ASXL3: variants seen among roughly 807,000 people sequenced by gnomAD.
The protein encoded by ASXL3 is ASXL transcriptional regulator 3.
Under a neutral mutation model 170.6 loss-of-function variants are expected in ASXL3, and 34 were observed. The ratio of observed to expected loss-of-function variants is 0.20; its 90% CI spans 0.15 to 0.27. ASXL3 has a LOEUF of 0.27. Ranked by LOEUF, ASXL3 falls within the 10% of genes least tolerant of loss-of-function variation. ASXL3 has a pLI of 1.00. For missense variants in ASXL3, 2,592 were observed against 2,695.3 expected, an observed-to-expected ratio of 0.96 and a Z score of 0.85; for synonymous variants, 1,002 against 989.1, an observed-to-expected ratio of 1.01 and a Z score of -0.24.
chr18:33,649,907 G>A (rs2065971525), intron 4 of ASXL3, among the ~76,000 whole-genome samples: 1 of 151,904 alleles, frequency 6.6e-6, no homozygotes, highest in African/African-American at 2.4e-5. Context: ...TAAGAAAGAA[G>A]GGGGCTAGGT....
Position 33,743,576 on chromosome 18 carries a change from C to G in ASXL3, c.3728C>G (p.Thr1243Ser). The G allele has an allele frequency of 6.2e-7, 1 of 1,613,262 alleles. No homozygotes were observed. The highest frequency in any genetic ancestry group is 8.5e-7 in the Non-Finnish European group (1 of 1,179,894). ...TCTGTCCCTGTATCTGTTTGCAGCA[C>G]TGCTATATCGGGAGCAATTAAAGAA... Reference protein sequence around the residue: ...KNSVPVSVCSTAISGAIKEHP... With the variant: ...KNSVPVSVCSSAISGAIKEHP... Residue 1243 changes from threonine (T) to serine (S), a missense_variant, in exon 12 of 12, where the codon ACT becomes AGT. Physicochemically the swap from Thr to Ser is moderately conservative, Grantham distance 58. Coordinates refer to ENST00000269197, the MANE Select transcript of ASXL3 (RefSeq NM_030632.3).
intron 1 of ASXL3, among the ~76,000 whole-genome samples, chr18:33,580,381 C>T (rs1176102907): frequency 6.6e-6 from 1 of 152,116 alleles, no homozygotes; most frequent in African/African-American, 2.4e-5. Flanking sequence ...TGGGGATGTG[C>T]AAGGCTTCTG....
In ASXL3 at chr18:33,740,145, C is replaced by A. The variant is rs1388163033; in HGVS notation, c.2741C>A (p.Ala914Asp). ...CAATATATCTCATCAGTGGATAAGGCTCCATTTTCAGAAGGCTCTAGAAAT... is the reference window on the plus strand; with the variant it reads ...CAATATATCTCATCAGTGGATAAGGATCCATTTTCAGAAGGCTCTAGAAAT... ...DKQYISSVDKAPFSEGSRNKT... is the reference protein window; with the variant it reads ...DKQYISSVDKDPFSEGSRNKT... Residue 914 changes from alanine (A) to aspartate (D), a missense_variant, in exon 11 of 12, where the codon GCT becomes GAT. Physicochemically the swap from Ala to Asp is moderately radical, Grantham distance 126 (BLOSUM62 -2). Coordinates refer to ENST00000269197, the MANE Select transcript of ASXL3 (RefSeq NM_030632.3). 6.2e-7 allele frequency: 1 copy of A among 1,613,900 alleles called. No homozygotes were observed. The highest frequency in any genetic ancestry group is 8.5e-7 in the Non-Finnish European group (1 of 1,179,872).
At chr18:33,622,632 A>G (rs868209365) in intron 2 of ASXL3, among the ~76,000 whole-genome samples, 1 of 152,180 alleles carries the variant, frequency 6.6e-6, no homozygotes, top group Non-Finnish European at 1.5e-5. Flanking sequence ...CAGGATATCA[A>G]GGAAGCTAGG....
intron 2 of ASXL3, among the ~76,000 whole-genome samples, chr18:33,629,523 TTTAG>T (rs2065647303): frequency 6.6e-6 from 1 of 152,068 alleles, no homozygotes; most frequent in South Asian, 2.1e-4. Flanking sequence ...TCAGTTGCCA[TTTAG>T]TTAGTTGATT....
intron 5 of ASXL3, among the ~76,000 whole-genome samples, chr18:33,669,960 T>C (rs184869085): frequency 2.0e-5 from 3 of 152,360 alleles, no homozygotes; most frequent in Admixed American, 2.0e-4. Flanking sequence ...CGTGGTCGAT[T>C]CATTTATGAA....
intron 4 of ASXL3, among the ~76,000 whole-genome samples, chr18:33,649,280 C>T (rs1030990398): frequency 7.2e-5 from 11 of 152,004 alleles, no homozygotes; most frequent in African/African-American, 2.7e-4. Context: ...GAGATGTAGA[C>T]AGGTGCTCTA....
At chr18:33,618,664 T>A (rs1237902608) in intron 2 of ASXL3, among the ~76,000 whole-genome samples, 1 of 152,148 alleles carries the variant, frequency 6.6e-6, no homozygotes, top group Non-Finnish European at 1.5e-5. Context: ...GGTTAATAGA[T>A]GAATAAAATA....
intron 5 of ASXL3, 117 bp downstream of exon 5, chr18:33,661,854 C>A (rs2066179276): frequency 1.7e-6 from 2 of 1,147,816 alleles, no homozygotes; most frequent in African/African-American, 1.6e-5. Flanking sequence ...TTCCTGAATT[C>A]AATCCCATCC....
At chr18:33,714,943 T>C (rs1007596100) in intron 8 of ASXL3, among the ~76,000 whole-genome samples, 1 of 152,154 alleles carries the variant, frequency 6.6e-6, no homozygotes, top group Non-Finnish European at 1.5e-5. Flanking sequence ...TTGTAATTGG[T>C]AAAGTTACCT....
At chr18:33,582,902 A>G (rs1271172665) in intron 1 of ASXL3, among the ~76,000 whole-genome samples, 1 of 152,184 alleles carries the variant, frequency 6.6e-6, no homozygotes, top group African/African-American at 2.4e-5. Context: ...TTAAAAATTA[A>G]TCTACACTGA....
intron 8 of ASXL3, among the ~76,000 whole-genome samples, chr18:33,705,855 T>A (rs1259267388): frequency 1.3e-5 from 2 of 151,926 alleles, no homozygotes; most frequent in African/African-American, 4.8e-5. Flanking sequence ...CCAGATTTTT[T>A]AAAAAGAGAG....
At chr18:33,682,641 C>T (rs948708327) in intron 7 of ASXL3, among the ~76,000 whole-genome samples, 5 of 152,084 alleles carry the variant, frequency 3.3e-5, no homozygotes, top group Admixed American at 1.3e-4. Flanking sequence ...CTACCTCCCG[C>T]GCTTAAGTGA....
In ASXL3 at chr18:33,733,430, A is replaced by G. The variant is rs183482925; in HGVS notation, c.977-880A>G. ...GACCCTCTTCCTTTTCTCCACACCT[A>G]TCTGGTCATGAACTGTTACTTGTAC... is the stretch of plus-strand genomic sequence containing the variant. On this transcript the variant is annotated intron_variant, in intron 9 of 11. Coordinates refer to ENST00000269197, the MANE Select transcript of ASXL3 (RefSeq NM_030632.3). 2.6e-3 allele frequency among the ~76,000 whole-genome samples: 403 copies of G among 152,154 alleles called. 4 individuals are homozygous for G. Among genetic ancestry groups the G allele is most frequent in the Admixed American group, 0.023 (359 of 15,296 alleles).
At chr18:33,596,056 C>T (rs1394845355) in intron 1 of ASXL3, among the ~76,000 whole-genome samples, 1 of 151,886 alleles carries the variant, frequency 6.6e-6, no homozygotes, top group Non-Finnish European at 1.5e-5. Flanking sequence ...AAGTATTACA[C>T]ACCTACATGT....
chr18:33,673,376 T>A (rs2066376599), intron 7 of ASXL3, among the ~76,000 whole-genome samples: 2 of 49,240 alleles, frequency 4.1e-5, no homozygotes, highest in South Asian at 1.6e-3. Context: ...CTTCAGTATT[T>A]TTTTTTTTTT....
At chr18:33,620,017 TTAAGCAGAGAA>T (rs2065484933) in intron 2 of ASXL3, among the ~76,000 whole-genome samples, 1 of 152,276 alleles carries the variant, frequency 6.6e-6, no homozygotes, top group Non-Finnish European at 1.5e-5. Flanking sequence ...GGAAGTGTTC[TTAAGCAGAGAA>T]TAAGCAGAAT....
At chr18:33,597,818 AAAAACAAAC>A (rs2065144015) in intron 1 of ASXL3, among the ~76,000 whole-genome samples, 1 of 151,984 alleles carries the variant, frequency 6.6e-6, no homozygotes, top group Non-Finnish European at 1.5e-5. Flanking sequence ...AAAAAAAACA[AAAAACAAAC>A]AAAACAAATC....
chr18:33,709,446 C>T (rs780726318), intron 8 of ASXL3, among the ~76,000 whole-genome samples: 7 of 152,108 alleles, frequency 4.6e-5, no homozygotes, highest in Non-Finnish European at 7.4e-5. Flanking sequence ...TTTGAATTTA[C>T]AATGAGAATG....
Sources: gnomAD v4.1 joint callset for allele counts (sites outside exome capture counted in the v4.1 genomes callset) on GRCh38, gnomAD v4.1.1 for gene constraint, MANE v1.5 for transcripts, NCBI Gene and HGNC (gene_info 2026-07-23, HGNC 2026-07-21) for gene names.